Variants in XPNPEP2 observed in about 807,000 individuals in gnomAD.
XPNPEP2 encodes xaa-Pro aminopeptidase 2.
A neutral mutation model predicts 59.8 loss-of-function variants in XPNPEP2; 64 were observed. The ratio of observed to expected loss-of-function variants is 1.07; its 90% CI spans 0.87 to 1.32. The LOEUF (loss-of-function observed/expected upper bound fraction) is 1.32. XPNPEP2 is among the 40% of genes most tolerant of loss of function. XPNPEP2 has a pLI of 0.00. For missense variants in XPNPEP2, 575 were observed against 546.8 expected, an observed-to-expected ratio of 1.05 and a Z score of -0.51; for synonymous variants, 235 against 210.0, an observed-to-expected ratio of 1.12 and a Z score of -1.03.
chrX:129,767,085 C>T lies in XPNPEP2; in HGVS notation c.1741-518C>T, dbSNP rs1926764117. Among the ~76,000 whole-genome samples, 4 of 110,340 alleles carry T rather than the reference C, an allele frequency of 3.6e-5. No homozygotes were observed. The South Asian group carries it at 1.6e-3, about 43-fold the overall frequency. On this transcript the variant is annotated intron_variant, in intron 19 of 20. Coordinates refer to ENST00000371106, the MANE Select transcript of XPNPEP2 (RefSeq NM_003399.6). ...AAAAAGTATCTGGGTGTGGTGGTGC[C>T]CATCAATAATCCCAGCTACTTGGAA... is the stretch of plus-strand genomic sequence containing the variant.
At chrX:129,747,888 T>C in intron 7 of XPNPEP2, 135 bp downstream of exon 7, 1 of 928,866 alleles carries the variant, frequency 1.1e-6, no homozygotes, top group Non-Finnish European at 1.5e-6. Flanking sequence ...CTGAGTCACC[T>C]GGGATGCTTG....
Position 129,767,697 on chromosome X carries a change from G to A in XPNPEP2, c.1830+5G>A. On this transcript the variant is annotated splice_donor_5th_base_variant and intron_variant, in intron 20 of 20. Coordinates refer to ENST00000371106, the MANE Select transcript of XPNPEP2 (RefSeq NM_003399.6). Reference sequence around the variant, plus strand: ...AGCCTGCTGTCTCCCGAGCATGTGAGTGCCCCTCAGCATTGCCTTCTCCCT... The same window carrying A: ...AGCCTGCTGTCTCCCGAGCATGTGAATGCCCCTCAGCATTGCCTTCTCCCT... The A allele has an allele frequency of 1.7e-6, 2 of 1,210,591 alleles. No individual in the cohort carries two copies. The highest frequency in any genetic ancestry group is 2.2e-6 in the Non-Finnish European group (2 of 894,573).
In XPNPEP2 at chrX:129,742,198, C is replaced by A; in HGVS notation, c.123+17C>A. On this transcript the variant is annotated intron_variant, in intron 2 of 20. Transcript: ENST00000371106. ...AACCCCCCTGTGAGTGCCCCCTGCC[C>A]CCCGCGCACGGCCCCCCTGGCCCCA... 2 of 883,266 alleles carry A rather than the reference C, an allele frequency of 2.3e-6. No individual in the cohort carries two copies. The highest frequency in any genetic ancestry group is 4.3e-5 in the South Asian group (2 of 46,465). The allele number at this position is 883,266 out of a possible 1,213,427, so 72.8% of individuals were successfully genotyped here. A position where few individuals can be genotyped will look rare whatever the true frequency, so the allele number is the denominator to read the frequency against.
intron 17 of XPNPEP2, 21 bp from the exon 18 acceptor site, chrX:129,761,985 T>A (rs774899550): frequency 8.3e-7 from 1 of 1,209,296 alleles, no homozygotes; most frequent in South Asian, 1.8e-5. Context: ...ACTGATACCA[T>A]GTTTATGTCT....
chrX:129,767,887 TGCCCAACC>T (rs1926781545), intron 20 of XPNPEP2, among the ~76,000 whole-genome samples, 195 bp downstream of exon 20: 1 of 111,527 alleles, frequency 9.0e-6, no homozygotes, highest in Non-Finnish European at 1.9e-5. Flanking sequence ...CAGACCAGCC[TGCCCAACC>T]CCAGGTAGTG....
At chrX:129,749,554 A>G (rs187310152) in intron 7 of XPNPEP2, among the ~76,000 whole-genome samples, 79 of 113,541 alleles carry the variant, frequency 7.0e-4, no homozygotes, top group Non-Finnish European at 1.0e-3. Flanking sequence ...ATTTATGCTC[A>G]TATCTGAACC....
At chrX:129,747,990 G>A in intron 7 of XPNPEP2, 1 of 446,693 alleles carries the variant, frequency 2.2e-6, no homozygotes, top group East Asian at 3.9e-5. Context: ...GTTAAAGAAT[G>A]TTAGGATTTG....
chrX:129,740,520 AG>A (rs969166820), intron 1 of XPNPEP2, among the ~76,000 whole-genome samples: 11 of 109,891 alleles, frequency 1.0e-4, no homozygotes, highest in Admixed American at 1.9e-4. Context: ...CCAGTTCCTC[AG>A]GGGGGGCTGA....
intron 15 of XPNPEP2, 107 bp downstream of exon 15, chrX:129,759,347 A>C: frequency 2.0e-6 from 2 of 1,009,355 alleles, no homozygotes; most frequent in Non-Finnish European, 2.8e-6. Context: ...AGAGAGGTTA[A>C]GTAGTTTGCC....
chrX:129,752,360 C>T lies in XPNPEP2; in HGVS notation c.1017+15C>T, dbSNP rs2124031220. The T allele has an allele frequency of 8.3e-7, 1 of 1,205,644 alleles. No individual in the cohort carries two copies. The highest frequency in any genetic ancestry group is 3.0e-5 in the East Asian group (1 of 33,740). On this transcript the variant is annotated intron_variant, in intron 10 of 20. Transcript: ENST00000371106. ...TGATACCCAAGGTGGGTTTGCCAGGCCCCAGCCCAAGCCAGGCACCAATCC... is the reference window on the plus strand; with the variant it reads ...TGATACCCAAGGTGGGTTTGCCAGGTCCCAGCCCAAGCCAGGCACCAATCC...
chrX:129,755,939 C>T (rs892706415), intron 13 of XPNPEP2, among the ~76,000 whole-genome samples: 43 of 112,374 alleles, frequency 3.8e-4, no homozygotes, highest in African/African-American at 1.4e-3. Context: ...CCTACCCACT[C>T]GGGCTAGAGT....
intron 14 of XPNPEP2, among the ~76,000 whole-genome samples, chrX:129,758,073 G>A (rs1194013353): frequency 9.0e-6 from 1 of 111,414 alleles, no homozygotes; most frequent in African/African-American, 3.3e-5. Context: ...GGAAGGAAGT[G>A]TGGGAAGCGT....
intron 4 of XPNPEP2, among the ~76,000 whole-genome samples, chrX:129,745,896 C>T (rs934318252): frequency 1.8e-5 from 2 of 111,328 alleles, no homozygotes; most frequent in Non-Finnish European, 1.9e-5. Context: ...TCAGCTGAGC[C>T]TCTGGTTTAG....
intron 16 of XPNPEP2, among the ~76,000 whole-genome samples, chrX:129,760,962 A>G (rs1175743493): frequency 1.8e-5 from 2 of 112,196 alleles, no homozygotes; most frequent in Non-Finnish European, 3.8e-5. Flanking sequence ...TAAGCTGGAG[A>G]TAGTGATGGG....
In XPNPEP2 at chrX:129,745,260, T is replaced by C. The variant is rs762711924; in HGVS notation, c.292T>C (p.Ser98Pro). ...TGCGTGGATTACAGGCTTTACAGGG[T>C]CTGCAGGTGACAATCATTACCCAGC... ...RRAWITGFTG[S>P]AGTAVVTMKK... The change falls in exon 4 of 21, where the codon TCT (serine) becomes CCT (proline). Residue 98 changes from serine to proline, a missense_variant. Ser to Pro is a moderately conservative substitution (Grantham distance 74). Coordinates refer to ENST00000371106, the MANE Select transcript of XPNPEP2 (RefSeq NM_003399.6). 1.7e-6 allele frequency: 2 copies of C among 1,211,304 alleles called. No individual in the cohort carries two copies. Among genetic ancestry groups the C allele is most frequent in the Admixed American group, 4.3e-5 (2 of 45,987 alleles).
At position 129,738,988 on chromosome X, in the gene XPNPEP2, C is replaced by G; in HGVS notation, c.-226C>G. 1 of 427,234 alleles carries G rather than the reference C, an allele frequency of 2.3e-6. No individual in the cohort carries two copies. Among genetic ancestry groups the G allele is most frequent in the Non-Finnish European group, 4.1e-6 (1 of 245,320 alleles). The allele number at this position is 427,234 out of a possible 1,213,427, so 35.2% of individuals were successfully genotyped here. A position where few individuals can be genotyped will look rare whatever the true frequency, so the allele number is the denominator to read the frequency against. Reference sequence around the variant, plus strand: ...ACGACTAGGAACTTGCACAGTCCGCCTCGGGCAGCCCAAAGCTCCTCTGCC... The same window carrying G: ...ACGACTAGGAACTTGCACAGTCCGCGTCGGGCAGCCCAAAGCTCCTCTGCC... On this transcript the variant is annotated 5_prime_UTR_variant, in exon 1 of 21. Coordinates refer to ENST00000371106, the MANE Select transcript of XPNPEP2 (RefSeq NM_003399.6).
At chrX:129,747,471 A>G in intron 6 of XPNPEP2, 136 bp from the exon 7 acceptor site, 2 of 847,560 alleles carry the variant, frequency 2.4e-6, no homozygotes, top group Non-Finnish European at 3.4e-6. Flanking sequence ...GGGGGTGGGC[A>G]GGCTGCTGGG....
At chrX:129,766,870 T>G (rs1926760263) in intron 19 of XPNPEP2, among the ~76,000 whole-genome samples, 1 of 111,096 alleles carries the variant, frequency 9.0e-6, no homozygotes, top group African/African-American at 3.3e-5. Flanking sequence ...GATCTCGACA[T>G]GGTGGCAGGA....
intron 2 of XPNPEP2, among the ~76,000 whole-genome samples, 184 bp from the exon 3 acceptor site, chrX:129,743,777 G>C (rs1251818457): frequency 1.8e-5 from 2 of 111,842 alleles, no homozygotes; most frequent in African/African-American, 3.3e-5. Flanking sequence ...TCTTAATCTA[G>C]ACTAAGCAGT....
Sources: allele counts gnomAD v4.1 joint callset (sites outside exome capture counted in the v4.1 genomes callset), GRCh38; gene constraint gnomAD v4.1.1; transcripts MANE v1.5; gene names NCBI Gene and HGNC (gene_info 2026-07-23, HGNC 2026-07-21).